EPC2: variants seen among roughly 807,000 people sequenced by gnomAD.
EPC2 encodes the protein enhancer of polycomb homolog 2.
A neutral mutation model predicts 92.1 loss-of-function variants in EPC2; 14 were observed. That is an observed-to-expected ratio of 0.15 (90% CI 0.10 to 0.24). The LOEUF (loss-of-function observed/expected upper bound fraction) is 0.24, where lower values mean the gene tolerates loss of function less well. Among genes scored for constraint, EPC2 ranks in the 10% least tolerant of loss-of-function variants. The pLI, the probability that EPC2 is intolerant of heterozygous loss-of-function variation, is 1.00. For synonymous variants in EPC2, 340 were observed against 334.7 expected (o/e 1.02, Z -0.17); for missense variants, 755 against 971.5 (o/e 0.78, Z 2.96).
intron 2 of EPC2, among the ~76,000 whole-genome samples, chr2:148,731,553 C>T (rs879841194): frequency 8.5e-5 from 13 of 152,128 alleles, no homozygotes; most frequent in Non-Finnish European, 1.9e-4. Context: ...CAGAGGCCCA[C>T]CACCACACCC....
intron 7 of EPC2, among the ~76,000 whole-genome samples, chr2:148,768,723 GT>G (rs1683462909): frequency 6.6e-6 from 1 of 151,988 alleles, no homozygotes; most frequent in Admixed American, 6.5e-5. Flanking sequence ...TTTATAAGCT[GT>G]TTTTATGTCC....
rs201178099 is a variant in EPC2 at position 148,781,648 on chromosome 2, A to G, written c.1725A>G (p.Thr575=). 243 of 1,612,012 alleles carry G rather than the reference A, an allele frequency of 1.5e-4. No individual in the cohort carries two copies. The highest frequency in any genetic ancestry group is 1.9e-4 in the Non-Finnish European group (228 of 1,179,294). Residue 575 remains threonine (T), a synonymous_variant, in exon 11 of 14, where the codon ACA becomes ACG. Coordinates refer to ENST00000258484, the MANE Select transcript of EPC2 (RefSeq NM_015630.4). ...LNTSKNGISV[T]GGITEEQFQT... is the part of the protein sequence containing the mutation. ...AAAATTCATGTTCTTTACCAGTAAC[A>G]GGGGGTATCACAGAAGAGCAGTTTC...
At chr2:148,680,368 C>T (rs1312522102) in intron 1 of EPC2, among the ~76,000 whole-genome samples, 1 of 152,200 alleles carries the variant, frequency 6.6e-6, no homozygotes, top group Non-Finnish European at 1.5e-5. Flanking sequence ...GACTGTTTCT[C>T]ATTCAACAGT....
At chr2:148,767,786 C>T (rs1683437542) in intron 7 of EPC2, among the ~76,000 whole-genome samples, 1 of 152,130 alleles carries the variant, frequency 6.6e-6, no homozygotes, top group African/African-American at 2.4e-5. Context: ...TCTTTTGTCC[C>T]CTGGAATCTA....
intron 3 of EPC2, among the ~76,000 whole-genome samples, chr2:148,752,893 A>C (rs984748418): frequency 1.3e-5 from 2 of 152,192 alleles, no homozygotes; most frequent in Non-Finnish European, 2.9e-5. Flanking sequence ...AATTTCAATG[A>C]GAAAAATTTT....
intron 1 of EPC2, among the ~76,000 whole-genome samples, chr2:148,679,991 C>T (rs1169450459): frequency 6.6e-6 from 1 of 151,950 alleles, no homozygotes; most frequent in Non-Finnish European, 1.5e-5. Flanking sequence ...TGTAGTAATA[C>T]TTGAATGGGA....
intron 4 of EPC2, among the ~76,000 whole-genome samples, chr2:148,755,493 C>T (rs778245791): frequency 9.2e-5 from 14 of 152,062 alleles, no homozygotes; most frequent in Admixed American, 2.0e-4. Flanking sequence ...CATAACATTT[C>T]GGTCACTGAC....
chr2:148,682,087 T>C (rs1378880939), intron 1 of EPC2, among the ~76,000 whole-genome samples: 3 of 152,238 alleles, frequency 2.0e-5, no homozygotes, highest in African/African-American at 7.2e-5. Context: ...TTCTGTGGTG[T>C]ATATGTGCCA....
At chr2:148,700,266 G>A (rs1681846004) in intron 2 of EPC2, among the ~76,000 whole-genome samples, 1 of 152,044 alleles carries the variant, frequency 6.6e-6, no homozygotes, top group Admixed American at 6.6e-5. Flanking sequence ...CATGAATTAT[G>A]TGTTTGGTAT....
chr2:148,745,559 C>G (rs1341617909), intron 3 of EPC2, among the ~76,000 whole-genome samples: 2 of 152,098 alleles, frequency 1.3e-5, no homozygotes, highest in Admixed American at 6.6e-5. Flanking sequence ...GTTCTCTTTG[C>G]TCAGGGACAA....
In EPC2 at chr2:148,781,651, G is replaced by C; in HGVS notation, c.1728G>C (p.Gly576=). 6.2e-7 allele frequency: 1 copy of C among 1,612,560 alleles called. No individual in the cohort carries two copies. The change falls in exon 11 of 14, where the codon GGG becomes GGC. Residue 576 remains glycine (G), a synonymous_variant. Transcript: ENST00000258484. ...NTSKNGISVT[G]GITEEQFQTH... ...ATTCATGTTCTTTACCAGTAACAGGGGGTATCACAGAAGAGCAGTTTCAGA... is the reference window on the plus strand; with the variant it reads ...ATTCATGTTCTTTACCAGTAACAGGCGGTATCACAGAAGAGCAGTTTCAGA...
intron 4 of EPC2, among the ~76,000 whole-genome samples, chr2:148,759,194 G>A (rs1683251379): frequency 6.6e-6 from 1 of 152,190 alleles, no homozygotes; most frequent in Admixed American, 6.5e-5. Flanking sequence ...CTGGGATCAA[G>A]CGATTCTCCT....
chr2:148,786,547 A>G lies in EPC2; in HGVS notation c.*170A>G. ...GATGTATATTTTGTAAAATTGGGAA[A>G]ATCACTACCTTGTAAAATAGTTTAT... On this transcript the variant is annotated 3_prime_UTR_variant, in exon 14 of 14. Coordinates refer to ENST00000258484, the MANE Select transcript of EPC2 (RefSeq NM_015630.4). The G allele has an allele frequency of 2.1e-6, 1 of 484,160 alleles. No homozygotes were observed. Among genetic ancestry groups the G allele is most frequent in the Non-Finnish European group, 3.7e-6 (1 of 266,804 alleles). 30.0% of individuals were successfully genotyped at this position (484,160 alleles called of 1,614,324 possible).
intron 7 of EPC2, among the ~76,000 whole-genome samples, chr2:148,767,220 T>C (rs1217525790): frequency 5.4e-5 from 8 of 148,912 alleles, no homozygotes; most frequent in African/African-American, 1.7e-4. Flanking sequence ...AAAAAATGAA[T>C]GATACTGTAG....
At chr2:148,753,339 A>T (rs988959772) in intron 3 of EPC2, among the ~76,000 whole-genome samples, 3 of 152,220 alleles carry the variant, frequency 2.0e-5, no homozygotes, top group Non-Finnish European at 4.4e-5. Flanking sequence ...TAACACTTGG[A>T]TAGAGGAATT....
chr2:148,704,914 T>A (rs1314355367), intron 2 of EPC2, among the ~76,000 whole-genome samples: 2 of 151,892 alleles, frequency 1.3e-5, no homozygotes, highest in Admixed American at 1.3e-4. Flanking sequence ...TTTTCTTTTT[T>A]TTTTTTCTAA....
At chr2:148,695,780 A>G (rs911482777) in intron 2 of EPC2, among the ~76,000 whole-genome samples, 3 of 152,230 alleles carry the variant, frequency 2.0e-5, no homozygotes, top group African/African-American at 7.2e-5. Context: ...ATACTATTGG[A>G]TGTGTATTAA....
At chr2:148,759,858 CAAAA>C (rs1683267297) in intron 4 of EPC2, among the ~76,000 whole-genome samples, 2 of 152,046 alleles carry the variant, frequency 1.3e-5, no homozygotes, top group East Asian at 3.9e-4. Context: ...TATTTCAAAA[CAAAA>C]AGGTTTTGTT....
chr2:148,731,495 G>A (rs926512127), intron 2 of EPC2, among the ~76,000 whole-genome samples: 5 of 152,024 alleles, frequency 3.3e-5, no homozygotes, highest in Admixed American at 1.3e-4. Context: ...CTCCGCCTCC[G>A]GGGTTCAAGC....
Sources: allele counts gnomAD v4.1 joint callset (sites outside exome capture counted in the v4.1 genomes callset), GRCh38; gene constraint gnomAD v4.1.1; transcripts MANE v1.5; gene names NCBI Gene and HGNC (gene_info 2026-07-23, HGNC 2026-07-21).